Variants in THADA observed in about 807,000 individuals in gnomAD.
The protein encoded by THADA is tRNA (32-2'-O)-methyltransferase regulator THADA.
A neutral mutation model predicts 219.8 loss-of-function variants in THADA; 213 were observed. That is an observed-to-expected ratio of 0.97 (90% CI 0.87 to 1.09). The LOEUF is 1.09. THADA is among the 50% of genes least tolerant of loss of function. The probability of loss-of-function intolerance (pLI) is 0.00; values close to 1 mark genes in which losing one functional copy is unlikely to be tolerated. For missense variants in THADA, 2,956 were observed against 2,311.3 expected (o/e 1.28, Z -5.72); for synonymous variants, 1,018 against 828.9 (o/e 1.23, Z -3.92).
At chr2:43,404,387 T>C (rs1675276663) in intron 28 of THADA, among the ~76,000 whole-genome samples, 1 of 150,786 alleles carries the variant, frequency 6.6e-6, no homozygotes, top group South Asian at 2.1e-4. Flanking sequence ...TTTTTTTTTT[T>C]TTTTTTAAAG....
intron 36 of THADA, among the ~76,000 whole-genome samples, chr2:43,242,631 T>C (rs980589900): frequency 2.0e-5 from 3 of 152,160 alleles, no homozygotes; most frequent in Non-Finnish European, 2.9e-5. Flanking sequence ...GCTAAGACTA[T>C]AGGCACACCA....
intron 21 of THADA, among the ~76,000 whole-genome samples, chr2:43,537,330 C>T (rs1477296467): frequency 1.3e-5 from 2 of 152,128 alleles, no homozygotes; most frequent in Non-Finnish European, 2.9e-5. Context: ...TATTTCTAAG[C>T]CCTTTGACGT....
chr2:43,325,170 G>T (rs1679174418), intron 30 of THADA, among the ~76,000 whole-genome samples: 1 of 152,212 alleles, frequency 6.6e-6, no homozygotes, highest in Admixed American at 6.5e-5. Context: ...GCACAAGGCA[G>T]GCAGAGGGCA....
chr2:43,263,547 G>A (rs1001153318), intron 36 of THADA, among the ~76,000 whole-genome samples: 1 of 152,176 alleles, frequency 6.6e-6, no homozygotes, highest in Admixed American at 6.5e-5. Context: ...CGGGGTCAAA[G>A]AGCCAACATG....
chr2:43,357,954 T>G (rs940178920), intron 29 of THADA, among the ~76,000 whole-genome samples: 32 of 152,168 alleles, frequency 2.1e-4, no homozygotes, highest in Admixed American at 2.1e-3. Context: ...AAAAACAGCA[T>G]AGTCAGTGTA....
chr2:43,501,528 C>G, intron 24 of THADA, among the ~76,000 whole-genome samples: 1 of 151,944 alleles, frequency 6.6e-6, no homozygotes, highest in East Asian at 1.9e-4. Context: ...CAAGCTAATT[C>G]TAAAATTTTT....
At chr2:43,288,074 G>T (rs999720640) in intron 34 of THADA, among the ~76,000 whole-genome samples, 2 of 152,192 alleles carry the variant, frequency 1.3e-5, no homozygotes, top group Admixed American at 6.5e-5. Flanking sequence ...GCTTTGGACT[G>T]TTTCTATCTG....
intron 25 of THADA, among the ~76,000 whole-genome samples, chr2:43,490,987 T>C (rs145903685): frequency 7.2e-5 from 11 of 152,170 alleles, no homozygotes; most frequent in South Asian, 4.1e-4. Flanking sequence ...ATTGTAAATA[T>C]AGAGCAAAAT....
chr2:43,528,012 A>G, intron 21 of THADA, 24 bp from the exon 22 acceptor site: 1 of 1,559,810 alleles, frequency 6.4e-7, no homozygotes, highest in Non-Finnish European at 8.8e-7. Context: ...GCAAAAACAA[A>G]TGTCCGATTT....
rs116527317 is a variant in THADA at position 43,572,236 on chromosome 2, G to A, written c.1909-374C>T. On this transcript the variant is annotated intron_variant, in intron 12 of 37. Coordinates refer to ENST00000405975, the MANE Select transcript of THADA (RefSeq NM_022065.5). ...TTCTGCTCCCACTCTGGAAACTCACGTTTCCACTAATGTAACTCCTTGCTG... is the reference window on the plus strand; with the variant it reads ...TTCTGCTCCCACTCTGGAAACTCACATTTCCACTAATGTAACTCCTTGCTG... 3.1e-3 allele frequency among the ~76,000 whole-genome samples: 473 copies of A among 152,208 alleles called. 1 individual carries two copies. The highest frequency in any genetic ancestry group is 0.011 in the African/African-American group (451 of 41,524).
intron 29 of THADA, among the ~76,000 whole-genome samples, chr2:43,368,893 T>C (rs905742393): frequency 7.2e-5 from 11 of 152,246 alleles, no homozygotes; most frequent in Admixed American, 6.5e-4. Context: ...CTTTTTTCTC[T>C]AGTTCACTGT....
intron 26 of THADA, among the ~76,000 whole-genome samples, chr2:43,455,395 T>A (rs1682861801): frequency 6.6e-6 from 1 of 152,194 alleles, no homozygotes; most frequent in African/African-American, 2.4e-5. Context: ...TCTATTTTTC[T>A]TTCTATTGTT....
At chr2:43,238,590 A>C (rs1668305037) in intron 36 of THADA, among the ~76,000 whole-genome samples, 1 of 152,186 alleles carries the variant, frequency 6.6e-6, no homozygotes, top group South Asian at 2.1e-4. Flanking sequence ...CCTATGACCC[A>C]AAAACTGCAC....
chr2:43,541,740 C>T (rs1042802678), intron 20 of THADA, among the ~76,000 whole-genome samples: 1 of 152,122 alleles, frequency 6.6e-6, no homozygotes, highest in Non-Finnish European at 1.5e-5. Context: ...GCAATTCTCT[C>T]GCTTGGGCCT....
At chr2:43,483,999 G>A (rs939246318) in intron 26 of THADA, among the ~76,000 whole-genome samples, 3 of 151,812 alleles carry the variant, frequency 2.0e-5, no homozygotes, top group African/African-American at 7.3e-5. Context: ...TCAAGTTAGT[G>A]ACAGGAAGAA....
chr2:43,564,735 A>C (rs1558981420), intron 15 of THADA: 1 of 152,238 alleles, frequency 6.6e-6, no homozygotes, highest in Non-Finnish European at 1.5e-5. Context: ...AGTATCATCA[A>C]TACTCTAATA....
chr2:43,278,720 T>C lies in THADA; in HGVS notation c.5296+1045A>G, dbSNP rs186003869. Among the ~76,000 whole-genome samples the C allele has an allele frequency of 3.3e-5, 5 of 152,296 alleles. No homozygotes were observed. In the East Asian group the frequency reaches 9.6e-4, roughly 29 times the overall value. ...AGAAGTGTACACAGACCATTTTGAC[T>C]GAGGATTCAGATCCTGGAAGGTTCA... is the stretch of plus-strand genomic sequence containing the variant. On this transcript the variant is annotated intron_variant, in intron 36 of 37. Coordinates refer to ENST00000405975, the MANE Select transcript of THADA (RefSeq NM_022065.5).
intron 21 of THADA, among the ~76,000 whole-genome samples, chr2:43,536,169 G>T (rs1694575503): frequency 6.6e-6 from 1 of 152,098 alleles, no homozygotes; most frequent in African/African-American, 2.4e-5. Flanking sequence ...TGCATATGAA[G>T]AAAGCATACT....
In THADA at chr2:43,570,483, G is replaced by A. The variant is rs1221133740; in HGVS notation, c.2092C>T (p.Gln698Ter). ...KLFCRIQESS[Q>*]VLYKLEQSKS... Reference sequence around the variant, plus strand: ...CTCTGCTCCAATTTATAAAGTACCTGAGAACTTTCCTGTATCCTACAAAAC... The same window carrying A: ...CTCTGCTCCAATTTATAAAGTACCTAAGAACTTTCCTGTATCCTACAAAAC... The change falls in exon 14 of 38, where the codon CAG (glutamine) becomes TAG (stop). Residue 698 changes from glutamine (Q) to a stop codon, truncating the protein, a stop_gained. Coordinates refer to ENST00000405975, the MANE Select transcript of THADA (RefSeq NM_022065.5). LOFTEE classifies it high-confidence loss of function. The A allele has an allele frequency of 6.8e-6, 11 of 1,612,388 alleles. No homozygotes were observed. The highest frequency in any genetic ancestry group is 9.3e-6 in the Non-Finnish European group (11 of 1,179,406).
Sources: gnomAD v4.1 joint callset for allele counts (sites outside exome capture counted in the v4.1 genomes callset) on GRCh38, gnomAD v4.1.1 for gene constraint, MANE v1.5 for transcripts, NCBI Gene and HGNC (gene_info 2026-07-23, HGNC 2026-07-21) for gene names.